CNOT6: variants seen among roughly 807,000 people sequenced by gnomAD.
The protein encoded by CNOT6 is carbon catabolite repression 4 protein.
CNOT6 carries 12 observed loss-of-function variants against 61.2 expected under a neutral mutation model. The ratio of observed to expected loss-of-function variants is 0.20; its 90% CI spans 0.13 to 0.32. The LOEUF is 0.32. CNOT6 is among the 10% of genes least tolerant of loss of function. The pLI, the probability that CNOT6 is intolerant of heterozygous loss-of-function variation, is 1.00. For missense variants in CNOT6, 405 were observed against 663.9 expected, an observed-to-expected ratio of 0.61 and a Z score of 4.28; for synonymous variants, 225 against 240.6, an observed-to-expected ratio of 0.94 and a Z score of 0.60.
intron 4 of CNOT6, among the ~76,000 whole-genome samples, chr5:180,557,915 G>A (rs1759982495): frequency 6.6e-6 from 1 of 152,214 alleles, no homozygotes; most frequent in Admixed American, 6.5e-5. Context: ...TTTTGTGTGT[G>A]TGTGGCCTGT....
At chr5:180,512,103 TAGTC>T (rs1757424657) in intron 1 of CNOT6, among the ~76,000 whole-genome samples, 1 of 152,258 alleles carries the variant, frequency 6.6e-6, no homozygotes, top group Non-Finnish European at 1.5e-5. Context: ...TATTGTATTT[TAGTC>T]TACTTGTGAA....
intron 2 of CNOT6, among the ~76,000 whole-genome samples, chr5:180,531,270 GGGT>G (rs1758356747): frequency 1.3e-5 from 2 of 150,246 alleles, no homozygotes; most frequent in Non-Finnish European, 3.0e-5. Context: ...TTCTCAGACG[GGGT>G]GGCCGGTCAG....
chr5:180,555,344 C>G (rs1221768389), intron 4 of CNOT6, among the ~76,000 whole-genome samples: 1 of 152,180 alleles, frequency 6.6e-6, no homozygotes, highest in African/African-American at 2.4e-5. Flanking sequence ...AGGAAAGCCT[C>G]TAAGTGTAAA....
chr5:180,518,737 G>T (rs1464911784), intron 1 of CNOT6, among the ~76,000 whole-genome samples: 3 of 152,246 alleles, frequency 2.0e-5, no homozygotes, highest in African/African-American at 7.2e-5. Flanking sequence ...CTGAGCTTGA[G>T]CAGGCCTCCT....
intron 1 of CNOT6, among the ~76,000 whole-genome samples, chr5:180,521,229 T>G (rs530935992): frequency 6.6e-6 from 1 of 152,308 alleles, no homozygotes; most frequent in African/African-American, 2.4e-5. Flanking sequence ...TATCAGCAGT[T>G]AAGAGGAAGA....
At chr5:180,552,448 T>C (rs559213498) in intron 3 of CNOT6, among the ~76,000 whole-genome samples, 95 of 151,594 alleles carry the variant, frequency 6.3e-4, no homozygotes, top group Non-Finnish European at 8.7e-4. Flanking sequence ...GAGACCATCC[T>C]GGCTAACACG....
At chr5:180,559,161 G>A (rs1357571862) in intron 4 of CNOT6, among the ~76,000 whole-genome samples, 2 of 152,172 alleles carry the variant, frequency 1.3e-5, no homozygotes, top group South Asian at 2.1e-4. Flanking sequence ...CTGTTAGGTC[G>A]ATGGTAGTGA....
At chr5:180,546,756 A>C (rs1759337223) in intron 2 of CNOT6, among the ~76,000 whole-genome samples, 1 of 152,178 alleles carries the variant, frequency 6.6e-6, no homozygotes, top group African/African-American at 2.4e-5. Context: ...ATTTTCTCTA[A>C]TTTCCTATCA....
At chr5:180,502,998 T>C (rs1467869415) in intron 1 of CNOT6, among the ~76,000 whole-genome samples, 2 of 152,208 alleles carry the variant, frequency 1.3e-5, no homozygotes, top group East Asian at 3.8e-4. Flanking sequence ...GACTAAAGAA[T>C]TGTCATTTGG....
Position 180,576,782 on chromosome 5 carries a change from T to G in CNOT6, c.*2582T>G, listed in dbSNP as rs191842623. ...GTGTCCTAAATAATTTTCAATAATC[T>G]ATAATCCCTAAAATGCAATAAAAAC... On this transcript the variant is annotated 3_prime_UTR_variant, in exon 12 of 12. Coordinates refer to ENST00000261951, the MANE Select transcript of CNOT6 (RefSeq NM_001370472.1). 1 of 152,360 alleles carries G rather than the reference T, an allele frequency of 6.6e-6. No homozygotes were observed. Among genetic ancestry groups the G allele is most frequent in the Admixed American group, 6.5e-5 (1 of 15,304 alleles). 9.4% of individuals were successfully genotyped at this position (152,360 alleles called of 1,614,324 possible).
rs924308747 is a variant in CNOT6 at position 180,533,661 on chromosome 5, C to T, written c.112+4273C>T. ...AGCTCCTGGCCTCAAGCAGTCCTCC[C>T]GCGTTAGCCTCCCAAAGTGCTGGTA... is the stretch of plus-strand genomic sequence containing the variant. On this transcript the variant is annotated intron_variant, in intron 2 of 11. Coordinates refer to ENST00000261951, the MANE Select transcript of CNOT6 (RefSeq NM_001370472.1). Among the ~76,000 whole-genome samples the T allele has an allele frequency of 3.4e-4, 51 of 152,116 alleles. 3 individuals are homozygous for T. The highest frequency in any genetic ancestry group is 1.9e-4 in the East Asian group (1 of 5,186).
intron 1 of CNOT6, among the ~76,000 whole-genome samples, chr5:180,516,522 G>A (rs1757645037): frequency 6.6e-6 from 1 of 152,138 alleles, no homozygotes; most frequent in Non-Finnish European, 1.5e-5. Flanking sequence ...TGTCAGTTAA[G>A]ATTGCCTGTA....
At chr5:180,508,587 G>C (rs1164494479) in intron 1 of CNOT6, among the ~76,000 whole-genome samples, 1 of 152,096 alleles carries the variant, frequency 6.6e-6, no homozygotes, top group Non-Finnish European at 1.5e-5. Context: ...TGGGATTACA[G>C]GTGTGAGCTA....
chr5:180,517,204 C>G (rs1305601656), intron 1 of CNOT6, among the ~76,000 whole-genome samples: 2 of 152,166 alleles, frequency 1.3e-5, no homozygotes, highest in African/African-American at 4.8e-5. Context: ...ATGGCGTGAT[C>G]ACTGCCCACT....
intron 2 of CNOT6, among the ~76,000 whole-genome samples, chr5:180,535,990 T>G (rs1401296050): frequency 9.7e-5 from 1 of 10,322 alleles, no homozygotes; most frequent in African/African-American, 1.9e-4. Flanking sequence ...TTATTAGGGT[T>G]TTTTTTTTTT....
chr5:180,530,649 A>G, intron 2 of CNOT6, among the ~76,000 whole-genome samples: 1 of 147,222 alleles, frequency 6.8e-6, no homozygotes, highest in African/African-American at 2.5e-5. Flanking sequence ...ACAATAGTGG[A>G]GGGAAGGTCA....
intron 1 of CNOT6, among the ~76,000 whole-genome samples, chr5:180,499,533 TAC>T (rs1258639610): frequency 6.6e-6 from 1 of 152,250 alleles, no homozygotes; most frequent in African/African-American, 2.4e-5. Context: ...TGTTAATTTA[TAC>T]AGTCAGTTCT....
chr5:180,530,327 TAGGGAGTGAG>T (rs1758293339), intron 2 of CNOT6, among the ~76,000 whole-genome samples: 1 of 152,180 alleles, frequency 6.6e-6, no homozygotes, highest in South Asian at 2.1e-4. Flanking sequence ...CTTATGACAT[TAGGGAGTGAG>T]AGGGAGTGCA....
At chr5:180,499,044 G>C (rs1756747948) in intron 1 of CNOT6, among the ~76,000 whole-genome samples, 1 of 152,180 alleles carries the variant, frequency 6.6e-6, no homozygotes, top group Non-Finnish European at 1.5e-5. Context: ...GCCCACCTTG[G>C]CCTCCCAAAG....
Sources: allele counts gnomAD v4.1 joint callset (sites outside exome capture counted in the v4.1 genomes callset), GRCh38; gene constraint gnomAD v4.1.1; transcripts MANE v1.5; gene names NCBI Gene and HGNC (gene_info 2026-07-23, HGNC 2026-07-21).